Variants in NTRK3 observed in about 807,000 individuals in gnomAD.
The protein encoded by NTRK3 is neurotrophic receptor tyrosine kinase 3.
Under a neutral mutation model 91.7 loss-of-function variants are expected in NTRK3, and 24 were observed. The ratio of observed to expected loss-of-function variants is 0.26; its 90% CI spans 0.19 to 0.37. The LOEUF is 0.37. NTRK3 is among the 10% of genes least tolerant of loss of function. The pLI is 1.00. For missense variants in NTRK3, 880 were observed against 1,068.9 expected, an observed-to-expected ratio of 0.82 and a Z score of 2.46; for synonymous variants, 483 against 404.0, an observed-to-expected ratio of 1.20 and a Z score of -2.34.
intron 3 of NTRK3, 41 bp from the exon 4 acceptor site, chr15:88,184,340 C>T (rs766534878): frequency 6.3e-7 from 1 of 1,593,770 alleles, no homozygotes; most frequent in South Asian, 1.1e-5. Context: ...CCAGAAGCAA[C>T]AGAAATGGGG....
intron 14 of NTRK3, among the ~76,000 whole-genome samples, chr15:87,971,245 C>G (rs953794926): frequency 6.6e-6 from 1 of 152,158 alleles, no homozygotes; most frequent in African/African-American, 2.4e-5. Flanking sequence ...CTGGCCAGCT[C>G]TATATCTGGC....
At chr15:87,948,544 C>T (rs12593792) in intron 14 of NTRK3, among the ~76,000 whole-genome samples, 41,893 of 152,006 alleles carry the variant, frequency 0.28, 6,423 homozygotes, top group African/African-American at 0.41. Flanking sequence ...AAAAATTATC[C>T]GCACTCAGTG....
chr15:88,196,443 G>C (rs1244260653), intron 3 of NTRK3, among the ~76,000 whole-genome samples: 1 of 152,200 alleles, frequency 6.6e-6, no homozygotes, highest in South Asian at 2.1e-4. Context: ...ATGTGGAGCA[G>C]GGGCTGCAGG....
At chr15:88,221,589 G>C (rs1371031720) in intron 3 of NTRK3, among the ~76,000 whole-genome samples, 1 of 152,176 alleles carries the variant, frequency 6.6e-6, no homozygotes, top group Non-Finnish European at 1.5e-5. Context: ...CCAGGAGTTT[G>C]AGACCAGCCT....
chr15:88,054,928 T>C (rs541129614), intron 13 of NTRK3, among the ~76,000 whole-genome samples: 1 of 152,274 alleles, frequency 6.6e-6, no homozygotes, highest in East Asian at 1.9e-4. Flanking sequence ...ATGAGAAAAC[T>C]GAGGCTGAGA....
intron 13 of NTRK3, among the ~76,000 whole-genome samples, chr15:88,089,252 T>C (rs866956558): frequency 1.2e-4 from 18 of 152,234 alleles, no homozygotes; most frequent in Non-Finnish European, 8.8e-5. Flanking sequence ...TTACTCACCC[T>C]TCTTAAGCCT....
intron 15 of NTRK3, 34 bp from the exon 16 acceptor site, chr15:87,933,218 C>T (rs542049307): frequency 4.3e-6 from 7 of 1,611,886 alleles, no homozygotes; most frequent in South Asian, 1.1e-5. Flanking sequence ...TGTTTAACAA[C>T]TACAGGGCAG....
intron 8 of NTRK3, 33 bp downstream of exon 8, chr15:88,136,434 C>A: frequency 6.2e-7 from 1 of 1,614,086 alleles, no homozygotes; most frequent in Non-Finnish European, 8.5e-7. Flanking sequence ...CACTCCCTAG[C>A]CTCCTGATGG....
At chr15:87,889,250 C>A (rs2065720705) in intron 17 of NTRK3, among the ~76,000 whole-genome samples, 1 of 152,118 alleles carries the variant, frequency 6.6e-6, no homozygotes, top group Non-Finnish European at 1.5e-5. Flanking sequence ...TCATAAGCAC[C>A]TGGCATGCTT....
chr15:88,111,975 C>T (rs1244190546), intron 13 of NTRK3, among the ~76,000 whole-genome samples: 1 of 150,686 alleles, frequency 6.6e-6, no homozygotes, highest in East Asian at 2.0e-4. Flanking sequence ...GGCACGATCT[C>T]GGCTCACTGC....
intron 13 of NTRK3, among the ~76,000 whole-genome samples, chr15:88,087,174 G>T (rs1379944846): frequency 6.6e-6 from 1 of 152,176 alleles, no homozygotes; most frequent in East Asian, 1.9e-4. Context: ...AAGCAAAGTG[G>T]GTACCCCAGG....
chr15:87,869,202 T>C (rs192749347), exon 19 of NTRK3: 164 of 229,108 alleles, frequency 7.2e-4, no homozygotes, highest in African/African-American at 3.4e-3. Flanking sequence ...CTCCCTCTCC[T>C]AGGGTCAGAT....
At chr15:87,885,597 T>C in intron 17 of NTRK3, 97 bp downstream of exon 18, 1 of 675,156 alleles carries the variant, frequency 1.5e-6, no homozygotes, top group Non-Finnish European at 2.4e-6. Flanking sequence ...CAGACCCATG[T>C]ATAAATATTG....
intron 13 of NTRK3, among the ~76,000 whole-genome samples, chr15:88,049,696 G>C (rs960156039): frequency 2.0e-5 from 3 of 152,174 alleles, no homozygotes; most frequent in Admixed American, 6.5e-5. Context: ...GTGTGAATCA[G>C]GGGATTCCTC....
chr15:87,979,480 G>T (rs558294096), intron 14 of NTRK3: 3 of 1,482,000 alleles, frequency 2.0e-6, no homozygotes, highest in African/African-American at 1.4e-5. Flanking sequence ...AAAACAAAAA[G>T]AAAAAAAAAC....
At chr15:88,082,452 C>T (rs899286861) in intron 13 of NTRK3, among the ~76,000 whole-genome samples, 1 of 152,150 alleles carries the variant, frequency 6.6e-6, no homozygotes, top group African/African-American at 2.4e-5. Flanking sequence ...ACCTGTATCA[C>T]CACCACCCAG....
chr15:88,050,218 A>G (rs4887350), intron 13 of NTRK3, among the ~76,000 whole-genome samples: 36,734 of 152,112 alleles, frequency 0.24, 4,619 homozygotes, highest in Middle Eastern at 0.38. Flanking sequence ...GCATGAATTC[A>G]AAGGCACGTG....
intron 14 of NTRK3, among the ~76,000 whole-genome samples, chr15:87,992,431 A>G (rs1406589996): frequency 1.3e-5 from 2 of 152,210 alleles, no homozygotes; most frequent in Non-Finnish European, 2.9e-5. Context: ...CTCTCTGTAT[A>G]AGCCACTTGG....
intron 17 of NTRK3, among the ~76,000 whole-genome samples, chr15:87,896,473 G>GAA (rs377592642): frequency 0.014 from 1,319 of 92,572 alleles, 28 homozygotes; most frequent in African/African-American, 0.044. Flanking sequence ...CTGTCTCAAA[G>GAA]AAAAAAAAAA....
Sources: allele counts gnomAD v4.1 joint callset (sites outside exome capture counted in the v4.1 genomes callset), GRCh38; gene constraint gnomAD v4.1.1; transcripts MANE v1.5; gene names NCBI Gene and HGNC (gene_info 2026-07-23, HGNC 2026-07-21).